COLEC12: variants seen among roughly 807,000 people sequenced by gnomAD.
COLEC12 encodes the protein collectin-12.
In COLEC12, 33 loss-of-function variants were observed where a neutral mutation model predicts 71.1. The observed-to-expected ratio is 0.46, with a 90% CI of 0.35 to 0.62. The LOEUF (loss-of-function observed/expected upper bound fraction) is 0.62. Among genes scored for constraint, COLEC12 ranks in the 20% least tolerant of loss-of-function variants. The pLI is 0.00. For synonymous variants in COLEC12, 350 were observed against 353.0 expected, an observed-to-expected ratio of 0.99 and a Z score of 0.10; for missense variants, 765 against 916.1, an observed-to-expected ratio of 0.84 and a Z score of 2.13.
At chr18:420,063 C>T (rs1003695959) in intron 2 of COLEC12, among the ~76,000 whole-genome samples, 17 of 152,162 alleles carry the variant, frequency 1.1e-4, no homozygotes, top group Non-Finnish European at 7.3e-5. Context: ...AATTCCAACT[C>T]TCATCCCTGC....
At chr18:481,220 C>G (rs1018333944) in intron 1 of COLEC12, among the ~76,000 whole-genome samples, 4 of 152,150 alleles carry the variant, frequency 2.6e-5, no homozygotes, top group African/African-American at 9.7e-5. Flanking sequence ...TTTTAAATGT[C>G]TGGGCTCTGG....
chr18:412,190 G>C (rs1360940998), intron 2 of COLEC12, among the ~76,000 whole-genome samples: 1 of 151,904 alleles, frequency 6.6e-6, no homozygotes, highest in African/African-American at 2.4e-5. Flanking sequence ...AAAAACAAAG[G>C]ACAAAGAAAA....
intron 3 of COLEC12, among the ~76,000 whole-genome samples, chr18:356,234 A>G (rs1914626786): frequency 6.6e-6 from 1 of 152,170 alleles, no homozygotes. Flanking sequence ...TGCTCATCCC[A>G]AACACCTTGA....
At chr18:404,732 A>G (rs1199438719) in intron 2 of COLEC12, among the ~76,000 whole-genome samples, 1 of 152,202 alleles carries the variant, frequency 6.6e-6, no homozygotes, top group Non-Finnish European at 1.5e-5. Flanking sequence ...TCACCTCAAG[A>G]CCACTGTGAT....
intron 5 of COLEC12, among the ~76,000 whole-genome samples, chr18:341,085 G>A (rs16942926): frequency 0.11 from 16,676 of 152,192 alleles, 1,066 homozygotes; most frequent in Admixed American, 0.16. Flanking sequence ...CCCCTGTCCC[G>A]TCAACCTTCA....
rs143480237 is a variant in COLEC12, at chr18:364,704, A to G, written c.59-7182T>C. Among the ~76,000 whole-genome samples the G allele has an allele frequency of 2.0e-3, 301 of 152,362 alleles. 1 individual carries two copies. The highest frequency in any genetic ancestry group is 6.9e-3 in the African/African-American group (287 of 41,584). ...CTCTGACAGGTAATTGAGGAAGGCC[A>G]TGAGACATTTCTTGAGTGGGTGAGA... On this transcript the variant is annotated intron_variant, in intron 2 of 9. Transcript: ENST00000400256.
At chr18:389,794 A>G (rs901634908) in intron 2 of COLEC12, among the ~76,000 whole-genome samples, 1 of 152,128 alleles carries the variant, frequency 6.6e-6, no homozygotes, top group African/African-American at 2.4e-5. Context: ...TACCACCCAC[A>G]GACTCAAGCC....
chr18:483,391 C>T (rs2143776876), intron 1 of COLEC12, among the ~76,000 whole-genome samples: 1 of 144,880 alleles, frequency 6.9e-6, no homozygotes, highest in East Asian at 2.0e-4. Context: ...GAGTGTGGGA[C>T]TCCGTCTCAA....
At chr18:343,918 G>T (rs1412161488) in intron 5 of COLEC12, among the ~76,000 whole-genome samples, 2 of 152,164 alleles carry the variant, frequency 1.3e-5, no homozygotes, top group Non-Finnish European at 2.9e-5. Flanking sequence ...GCTGATAAAA[G>T]AATCCTAACA....
intron 2 of COLEC12, among the ~76,000 whole-genome samples, chr18:389,344 T>C (rs1172429392): frequency 6.6e-6 from 1 of 151,356 alleles, no homozygotes; most frequent in Non-Finnish European, 1.5e-5. Context: ...AGCTCTGCGA[T>C]CTCGGCTCAC....
At chr18:385,342 T>G (rs1915322478) in intron 2 of COLEC12, among the ~76,000 whole-genome samples, 1 of 61,526 alleles carries the variant, frequency 1.6e-5, no homozygotes, top group Admixed American at 1.8e-4. Context: ...TTTTTTTTTT[T>G]GAGACAGAGT....
intron 2 of COLEC12, among the ~76,000 whole-genome samples, chr18:457,408 C>T (rs1236285423): frequency 6.6e-6 from 1 of 152,194 alleles, no homozygotes; most frequent in African/African-American, 2.4e-5. Context: ...CTGCTGATTT[C>T]TAGGCTGCAG....
In COLEC12 at chr18:368,682, G is replaced by C. The variant is rs142819011; in HGVS notation, c.59-11160C>G. 9.7e-3 allele frequency among the ~76,000 whole-genome samples: 1,467 copies of C among 151,204 alleles called. 33 individuals are homozygous for C. Among genetic ancestry groups the C allele is most frequent in the African/African-American group, 0.033 (1,355 of 41,008 alleles). On this transcript the variant is annotated intron_variant, in intron 2 of 9. Transcript: ENST00000400256. ...GATCGAGACCAGCCTGGCTAACATG[G>C]TGAAACCCCGTCTCCACTAAAAAAT...
intron 4 of COLEC12, among the ~76,000 whole-genome samples, chr18:347,682 G>A (rs984042081): frequency 1.3e-5 from 2 of 152,034 alleles, no homozygotes; most frequent in Non-Finnish European, 2.9e-5. Context: ...AAAAATCAAG[G>A]AATAGAATAT....
chr18:428,926 G>GCCACAT (rs1916248173), intron 2 of COLEC12, among the ~76,000 whole-genome samples: 1 of 152,120 alleles, frequency 6.6e-6, no homozygotes, highest in Non-Finnish European at 1.5e-5. Context: ...TTTTATAAAA[G>GCCACAT]GTATTTTTTA....
At chr18:472,602 G>A (rs1435106904) in intron 2 of COLEC12, among the ~76,000 whole-genome samples, 4 of 143,042 alleles carry the variant, frequency 2.8e-5, no homozygotes, top group South Asian at 2.2e-4. Context: ...TGAGAGAATC[G>A]CCTAAGCCCA....
At chr18:425,211 C>T (rs1916176533) in intron 2 of COLEC12, among the ~76,000 whole-genome samples, 1 of 152,194 alleles carries the variant, frequency 6.6e-6, no homozygotes, top group South Asian at 2.1e-4. Context: ...CTCCATAACT[C>T]AAACCCGTGA....
intron 2 of COLEC12, among the ~76,000 whole-genome samples, chr18:460,439 T>C (rs1916959708): frequency 6.6e-6 from 1 of 152,204 alleles, no homozygotes. Flanking sequence ...TTAAGGTCTT[T>C]AGTCAAGCTA....
rs1413357337 is a variant in COLEC12, at chr18:446,558, T to TAAA, written c.58+34148_58+34149insTTT. Among the ~76,000 whole-genome samples, 110 of 37,222 alleles carry TAAA rather than the reference T, an allele frequency of 3.0e-3. 2 individuals carry two copies. Among genetic ancestry groups the TAAA allele is most frequent in the South Asian group, 6.0e-3 (7 of 1,168 alleles). The allele number at this position is 37,222 out of a possible 152,430, so 24.4% of individuals were successfully genotyped here. On this transcript the variant is annotated intron_variant, in intron 2 of 9. Coordinates refer to ENST00000400256, the MANE Select transcript of COLEC12 (RefSeq NM_130386.3). The stretch of plus-strand genomic sequence containing the variant: ...CTCTGTAAAAAAAAAAAAAAAATTT[T>TAAA]TTTTTTTTTTTGTTTAAGTAGCCAG...
Sources: gnomAD v4.1 joint callset for allele counts (sites outside exome capture counted in the v4.1 genomes callset) on GRCh38, gnomAD v4.1.1 for gene constraint, MANE v1.5 for transcripts, NCBI Gene and HGNC (gene_info 2026-07-23, HGNC 2026-07-21) for gene names.